The following CYTH1 variants were observed in gnomAD, a reference collection of about 807,000 sequenced individuals.
CYTH1 encodes cytohesin-1.
In CYTH1, 18 loss-of-function variants were observed where a neutral mutation model predicts 61.8. That is an observed-to-expected ratio of 0.29 (90% CI 0.20 to 0.43). The LOEUF is 0.43. Among genes scored for constraint, CYTH1 ranks in the 20% least tolerant of loss-of-function variants. The pLI is 1.00. For synonymous variants in CYTH1, 174 were observed against 184.3 expected, an observed-to-expected ratio of 0.94 and a Z score of 0.45; for missense variants, 336 against 510.5, an observed-to-expected ratio of 0.66 and a Z score of 3.29.
In CYTH1 at chr17:78,700,446, G is replaced by A; in HGVS notation, c.438-3C>T. The stretch of plus-strand genomic sequence containing the variant: ...GCCGGAAGCTCCACAGGAACTGCCT[G>A]AGTGGGTAAAGACAGAGTGTTCCAG... On this transcript the variant is annotated splice_region_variant and splice_polypyrimidine_tract_variant and intron_variant, in intron 6 of 13. Transcript: ENST00000446868. This position sits in a 1 kb window ranked among gnomAD's most constrained non-coding sequence, Gnocchi z 5.1. The A allele has an allele frequency of 6.2e-7, 1 of 1,610,662 alleles. No homozygotes were observed. Among genetic ancestry groups the A allele is most frequent in the South Asian group, 1.1e-5 (1 of 90,374 alleles).
Position 78,680,044 on chromosome 17 carries a change from G to A in CYTH1, c.1118+146C>T, listed in dbSNP as rs79950037. 2.9e-3 allele frequency: 3,331 copies of A among 1,130,986 alleles called. 67 individuals are homozygous for A. In the African/African-American group the frequency reaches 0.045, roughly 15 times the overall value. 70.1% of individuals were successfully genotyped at this position (1,130,986 alleles called of 1,614,324 possible). On this transcript the variant is annotated intron_variant, in intron 13 of 13. Coordinates refer to ENST00000446868, the MANE Select transcript of CYTH1 (RefSeq NM_004762.6). ...GAATCCAAAGGCCTCCTGGGAAGCCGTCAGCTGGGAACCAGGACGAAGCTT... is the reference window on the plus strand; with the variant it reads ...GAATCCAAAGGCCTCCTGGGAAGCCATCAGCTGGGAACCAGGACGAAGCTT...
At chr17:78,709,590 T>C in intron 2 of CYTH1, 60 bp downstream of exon 2, 2 of 1,581,796 alleles carry the variant, frequency 1.3e-6, no homozygotes, top group East Asian at 2.2e-5. Flanking sequence ...CACCCTTTCA[T>C]ACAAATGGAA....
chr17:78,769,822 G>A (rs1466668849), intron 1 of CYTH1, among the ~76,000 whole-genome samples: 2 of 151,844 alleles, frequency 1.3e-5, no homozygotes, highest in African/African-American at 4.8e-5. Flanking sequence ...TTCTAAACCA[G>A]CCTGGCCAAC....
At chr17:78,711,301 T>TA (rs1555608830) in intron 1 of CYTH1, among the ~76,000 whole-genome samples, 8,315 of 102,256 alleles carry the variant, frequency 0.081, 305 homozygotes, top group African/African-American at 0.14. Context: ...AATAAATAAA[T>TA]AATATATATA....
At chr17:78,694,649 C>T (rs2092920855) in intron 10 of CYTH1, among the ~76,000 whole-genome samples, 2 of 152,280 alleles carry the variant, frequency 1.3e-5, no homozygotes, top group African/African-American at 4.8e-5. Flanking sequence ...TCAACCCATG[C>T]TGACCTCCCA....
intron 1 of CYTH1, among the ~76,000 whole-genome samples, chr17:78,721,444 T>C (rs1048339966): frequency 2.0e-5 from 3 of 152,260 alleles, no homozygotes; most frequent in South Asian, 2.1e-4. Flanking sequence ...TTCCGGCAAA[T>C]TGCCAATATG....
At chr17:78,768,533 C>T (rs2093457926) in intron 1 of CYTH1, among the ~76,000 whole-genome samples, 1 of 152,194 alleles carries the variant, frequency 6.6e-6, no homozygotes, top group Admixed American at 6.5e-5. Flanking sequence ...AAACCTGGTG[C>T]TCACCTTCGT....
intron 1 of CYTH1, among the ~76,000 whole-genome samples, chr17:78,724,745 G>A (rs2093256294): frequency 6.6e-6 from 1 of 152,158 alleles, no homozygotes; most frequent in South Asian, 2.1e-4. Context: ...ATCAGTCATG[G>A]AAGGCACCCG....
chr17:78,675,783 G>A lies in CYTH1; in HGVS notation c.*308C>T, dbSNP rs1157648072. On this transcript the variant is annotated 3_prime_UTR_variant, in exon 14 of 14. Transcript: ENST00000446868. ...AACCAAGAGGTAAACAGTTGGCTCTGAGCTCTGCTACCAGAACACTGAGCA... is the reference window on the plus strand; with the variant it reads ...AACCAAGAGGTAAACAGTTGGCTCTAAGCTCTGCTACCAGAACACTGAGCA... The A allele has an allele frequency of 3.9e-5, 46 of 1,189,088 alleles. No homozygotes were observed. The East Asian group carries it at 1.1e-3, about 29-fold the overall frequency. 73.7% of individuals were successfully genotyped at this position (1,189,088 alleles called of 1,614,324 possible).
intron 1 of CYTH1, among the ~76,000 whole-genome samples, chr17:78,770,355 GA>G (rs35531159): frequency 0.51 from 65,915 of 128,024 alleles, 16,307 homozygotes; most frequent in Non-Finnish European, 0.56. Flanking sequence ...GAAAAGAAAA[GA>G]AAAAAAAAAA....
intron 1 of CYTH1, among the ~76,000 whole-genome samples, chr17:78,722,082 T>C (rs1290881459): frequency 2.6e-5 from 4 of 152,126 alleles, no homozygotes; most frequent in Non-Finnish European, 5.9e-5. Context: ...AAAAATTTAA[T>C]TTAATAAATC....
intron 7 of CYTH1, among the ~76,000 whole-genome samples, chr17:78,699,230 T>C (rs1396380576): frequency 1.3e-5 from 2 of 152,012 alleles, no homozygotes; most frequent in East Asian, 3.9e-4. Context: ...CAGGCGTGGC[T>C]GCACGCGCCT....
intron 1 of CYTH1, among the ~76,000 whole-genome samples, chr17:78,743,681 G>GA (rs979425565): frequency 2.6e-5 from 4 of 152,144 alleles, no homozygotes; most frequent in Admixed American, 6.5e-5. Context: ...TTTAATATCT[G>GA]AGACTCTTAA....
chr17:78,740,746 T>C (rs2093338892), intron 1 of CYTH1, among the ~76,000 whole-genome samples: 1 of 152,204 alleles, frequency 6.6e-6, no homozygotes, highest in Non-Finnish European at 1.5e-5. Flanking sequence ...AGATTGCAAA[T>C]GGGTACTATT....
At chr17:78,722,988 C>T (rs764036384) in intron 1 of CYTH1, among the ~76,000 whole-genome samples, 2 of 152,104 alleles carry the variant, frequency 1.3e-5, no homozygotes, top group Non-Finnish European at 2.9e-5. Context: ...AAGTCTCAGG[C>T]TTAGAAGAAA....
intron 10 of CYTH1, among the ~76,000 whole-genome samples, chr17:78,695,260 C>T (rs1040889014): frequency 6.6e-6 from 1 of 152,112 alleles, no homozygotes; most frequent in East Asian, 1.9e-4. Context: ...AACGAGGACT[C>T]GCTGAAAAAG....
chr17:78,714,746 A>G (rs764803979), intron 1 of CYTH1, among the ~76,000 whole-genome samples: 3 of 152,162 alleles, frequency 2.0e-5, no homozygotes, highest in Non-Finnish European at 2.9e-5. Flanking sequence ...TCCGCTTAAC[A>G]TGTCTACTGC....
At chr17:78,721,753 G>A (rs753940765) in intron 1 of CYTH1, among the ~76,000 whole-genome samples, 1 of 152,110 alleles carries the variant, frequency 6.6e-6, no homozygotes, top group Non-Finnish European at 1.5e-5. Flanking sequence ...CTTATAAAAG[G>A]AAGGTATTGG....
intron 9 of CYTH1, chr17:78,696,648 A>C (rs1335260112): frequency 6.6e-6 from 1 of 152,302 alleles, no homozygotes; most frequent in Admixed American, 6.5e-5. Context: ...AAAGTAATGC[A>C]ATGAGCTAAA....
Sources: gnomAD v4.1 joint callset for allele counts (sites outside exome capture counted in the v4.1 genomes callset) on GRCh38, gnomAD v4.1.1 for gene constraint, Gnocchi (gnomAD v3.1) non-coding constraint, MANE v1.5 for transcripts, NCBI Gene and HGNC (gene_info 2026-07-23, HGNC 2026-07-21) for gene names.